Variants in FRY observed in about 807,000 individuals in gnomAD.
The protein encoded by FRY is FRY microtubule binding protein.
In FRY, 128 loss-of-function variants were observed where a neutral mutation model predicts 348.4. The ratio of observed to expected loss-of-function variants is 0.37; its 90% CI spans 0.32 to 0.43. The LOEUF (loss-of-function observed/expected upper bound fraction) is 0.43. Among genes scored for constraint, FRY ranks in the 20% least tolerant of loss-of-function variants. FRY has a pLI of 1.00. For synonymous variants in FRY, 1,370 were observed against 1,374.7 expected (o/e 1.00, Z 0.08); for missense variants, 2,736 against 3,695.2 (o/e 0.74, Z 6.73).
intron 28 of FRY, among the ~76,000 whole-genome samples, chr13:32,189,200 C>T (rs1332201876): frequency 6.6e-6 from 1 of 152,106 alleles, no homozygotes; most frequent in Non-Finnish European, 1.5e-5. Context: ...TTTGTACTTG[C>T]TTCAATTTCA....
Position 32,209,586 on chromosome 13 carries a change from A to T in FRY, c.4277A>T (p.Tyr1426Phe), listed in dbSNP as rs1884564889. The T allele has an allele frequency of 1.9e-6, 3 of 1,613,992 alleles. No individual in the cohort carries two copies. Among genetic ancestry groups the T allele is most frequent in the East Asian group, 4.5e-5 (2 of 44,878 alleles). The change falls in exon 33 of 61, where the codon TAT becomes TTT. Residue 1426 changes from tyrosine to phenylalanine, a missense_variant and splice_region_variant. Around this residue, in one of 9 missense-constraint regions of FRY, gnomAD observed 794 missense variants for 977.0 expected, o/e 0.81. Transcript: ENST00000542859. ...GGGCCGGTTTTTATTTTGTTATAGTATGGAGATGAAGTTCCTGGGCCAGAA... is the reference window on the plus strand; with the variant it reads ...GGGCCGGTTTTTATTTTGTTATAGTTTGGAGATGAAGTTCCTGGGCCAGAA... ...LNNLMYMTAK[Y>F]GDEVPGPEME...
Position 32,171,126 on chromosome 13 carries a change from C to T in FRY, c.2007C>T (p.Phe669=), listed in dbSNP as rs1882031492. 1.2e-6 allele frequency: 2 copies of T among 1,613,908 alleles called. No homozygotes were observed. The highest frequency in any genetic ancestry group is 4.5e-5 in the East Asian group (2 of 44,874). The change falls in exon 18 of 61, where the codon TTC becomes TTT. Residue 669 remains phenylalanine, a synonymous_variant. Transcript: ENST00000542859. ...ATGTACTATTTGGCTTTACCAACTTCCTGCTCCGGGAAGTAAATGATATGC... is the reference window on the plus strand; with the variant it reads ...ATGTACTATTTGGCTTTACCAACTTTCTGCTCCGGGAAGTAAATGATATGC... The part of the protein sequence containing the change: ...REDVLFGFTN[F]LLREVNDMHH...
chr13:32,272,626 C>G (rs1888258658), intron 55 of FRY, among the ~76,000 whole-genome samples: 1 of 152,138 alleles, frequency 6.6e-6, no homozygotes, highest in Admixed American at 6.5e-5. Flanking sequence ...CCACTGTGCT[C>G]CAGCCTGAGT....
At position 32,254,180 on chromosome 13, in the gene FRY, C is replaced by G. The variant is rs143176137; in HGVS notation, c.7246-44C>G. 532 of 1,605,118 alleles carry G rather than the reference C, an allele frequency of 3.3e-4. No homozygotes were observed. In the African/African-American group the frequency reaches 6.5e-3, roughly 20 times the overall value. On this transcript the variant is annotated intron_variant, in intron 50 of 60. Transcript: ENST00000542859. ...TTACAATTTTTCGTAGCACAAACAA[C>G]CAAAGGGAGAACGGTTTCTCAGGAG...
Position 32,228,522 on chromosome 13 carries a change from C to T in FRY, c.5273C>T (p.Ser1758Phe). 6.2e-7 allele frequency: 1 copy of T among 1,613,684 alleles called. No individual in the cohort carries two copies. Among genetic ancestry groups the T allele is most frequent in the Non-Finnish European group, 8.5e-7 (1 of 1,179,856 alleles). The change falls in exon 40 of 61, where the codon TCC becomes TTC. Residue 1758 changes from serine (S) to phenylalanine (F), a missense_variant. Around this residue, in one of 9 missense-constraint regions of FRY, gnomAD observed 794 missense variants for 977.0 expected, o/e 0.81. Transcript: ENST00000542859. ...PVPDSGLSSS[S>F]TSSSISLGGS... ...CCTGACTCAGGGCTTAGTTCAAGCT[C>T]CACCTCCTCTAGCATCAGTCTGGGA...
chr13:32,127,582 C>T (rs963611276), intron 7 of FRY, among the ~76,000 whole-genome samples: 9 of 152,080 alleles, frequency 5.9e-5, no homozygotes, highest in Non-Finnish European at 1.3e-4. Context: ...TCGAGACCAT[C>T]CTGGCTAACA....
intron 29 of FRY, among the ~76,000 whole-genome samples, chr13:32,198,225 T>C (rs988428990): frequency 1.3e-5 from 2 of 152,218 alleles, no homozygotes; most frequent in African/African-American, 4.8e-5. Context: ...GAGGGAGGCT[T>C]TGTCTGCCCC....
intron 20 of FRY, 94 bp from the exon 21 acceptor site, chr13:32,178,083 G>A: frequency 3.7e-6 from 5 of 1,341,890 alleles, no homozygotes; most frequent in Admixed American, 3.4e-5. Flanking sequence ...CTCAGCAAAA[G>A]CACTGTGCAA....
intron 1 of FRY, among the ~76,000 whole-genome samples, chr13:32,056,078 C>A (rs200367280): frequency 5.9e-5 from 9 of 151,336 alleles, no homozygotes; most frequent in African/African-American, 2.2e-4. Context: ...GTAGTCCCAA[C>A]TACTTGGGAG....
intron 40 of FRY, among the ~76,000 whole-genome samples, chr13:32,229,540 G>A (rs1431421164): frequency 6.6e-6 from 1 of 152,206 alleles, no homozygotes; most frequent in Non-Finnish European, 1.5e-5. Context: ...AGGAGCTGAT[G>A]GTGCCTACAT....
At chr13:32,145,771 C>G (rs897644614) in intron 11 of FRY, among the ~76,000 whole-genome samples, 2 of 151,616 alleles carry the variant, frequency 1.3e-5, no homozygotes, top group Non-Finnish European at 2.9e-5. Context: ...GTCTCGATCT[C>G]CTGACCTCAT....
At chr13:32,076,475 G>A (rs1826884291) in intron 1 of FRY, among the ~76,000 whole-genome samples, 3 of 152,204 alleles carry the variant, frequency 2.0e-5, no homozygotes, top group African/African-American at 7.2e-5. Context: ...AGTAGGAGGT[G>A]AAGCAGAGGA....
At chr13:32,122,564 A>G (rs1878737667) in intron 4 of FRY, among the ~76,000 whole-genome samples, 1 of 152,190 alleles carries the variant, frequency 6.6e-6, no homozygotes, top group Non-Finnish European at 1.5e-5. Flanking sequence ...TCTACGACAA[A>G]CCCACAGCCA....
intron 51 of FRY, among the ~76,000 whole-genome samples, chr13:32,255,737 TGTTTTAA>T (rs1385112361): frequency 6.6e-6 from 1 of 152,246 alleles, no homozygotes; most frequent in Non-Finnish European, 1.5e-5. Context: ...CAGTGAAGAT[TGTTTTAA>T]GTCTAAAGCA....
chr13:32,239,911 A>T lies in FRY; in HGVS notation c.6687+30A>T. The T allele has an allele frequency of 6.3e-7, 1 of 1,588,684 alleles. No homozygotes were observed. Among genetic ancestry groups the T allele is most frequent in the Non-Finnish European group, 8.6e-7 (1 of 1,159,672 alleles). On this transcript the variant is annotated intron_variant, in intron 46 of 60. Transcript: ENST00000542859. This position sits in a 1 kb window ranked among gnomAD's most constrained non-coding sequence, Gnocchi z 4.3. ...GCTTTTTTTTTTTGTTTTTTGAGAC[A>T]GGGTCTCATTATGTTGCCCAGGCTG...
intron 2 of FRY, among the ~76,000 whole-genome samples, chr13:32,088,666 C>T (rs1241569213): frequency 1.0e-5 from 1 of 96,630 alleles, no homozygotes; most frequent in African/African-American, 3.1e-5. Context: ...TTTAATACAC[C>T]ACCATAGTTT....
chr13:32,113,539 T>TA (rs1440955307), intron 3 of FRY, among the ~76,000 whole-genome samples: 8 of 152,234 alleles, frequency 5.3e-5, no homozygotes, highest in African/African-American at 1.9e-4. Context: ...AAAACACAAG[T>TA]ATGAAATAGT....
chr13:32,151,006 G>A (rs1321614260), intron 14 of FRY, among the ~76,000 whole-genome samples: 1 of 152,232 alleles, frequency 6.6e-6, no homozygotes, highest in African/African-American at 2.4e-5. Flanking sequence ...GGCAGGGCCA[G>A]TGCCAAACCA....
intron 53 of FRY, among the ~76,000 whole-genome samples, chr13:32,264,967 TA>T (rs1279423728): frequency 6.6e-6 from 1 of 152,172 alleles, no homozygotes; most frequent in African/African-American, 2.4e-5. Context: ...GTTAGAGAAT[TA>T]ACTCTGGATA....
Sources: allele counts gnomAD v4.1 joint callset (sites outside exome capture counted in the v4.1 genomes callset), GRCh38; gene constraint gnomAD v4.1.1; regional missense constraint gnomAD v4.1.1; non-coding constraint Gnocchi (gnomAD v3.1); transcripts MANE v1.5; gene names NCBI Gene and HGNC (gene_info 2026-07-23, HGNC 2026-07-21).